ZMYND8: variants seen among roughly 807,000 people sequenced by gnomAD.
ZMYND8 encodes MYND-type zinc finger-containing chromatin reader ZMYND8.
ZMYND8 carries 37 observed loss-of-function variants against 140.8 expected under a neutral mutation model. The observed-to-expected ratio is 0.26, with a 90% CI of 0.20 to 0.35. ZMYND8 has a LOEUF of 0.35. Ranked by LOEUF, ZMYND8 falls within the 10% of genes least tolerant of loss-of-function variation. The pLI, the probability that ZMYND8 is intolerant of heterozygous loss-of-function variation, is 1.00. For synonymous variants in ZMYND8, 592 were observed against 597.1 expected (o/e 0.99, Z 0.12); for missense variants, 1,068 against 1,570.0 (o/e 0.68, Z 5.40).
chr20:47,221,235 G>C, intron 20 of ZMYND8, 79 bp downstream of exon 20: 1 of 1,557,060 alleles, frequency 6.4e-7, no homozygotes, highest in Non-Finnish European at 8.7e-7. Context: ...GGAACTTTCA[G>C]GGCGGCAGAC....
At chr20:47,217,252 C>A (rs544320579) in intron 21 of ZMYND8, among the ~76,000 whole-genome samples, 1 of 150,524 alleles carries the variant, frequency 6.6e-6, no homozygotes, top group East Asian at 1.9e-4. Context: ...AGCAGAGCCA[C>A]GCACAAGTGC....
chr20:47,301,643 G>A (rs1249604399), intron 3 of ZMYND8, among the ~76,000 whole-genome samples: 1 of 151,670 alleles, frequency 6.6e-6, no homozygotes, highest in Non-Finnish European at 1.5e-5. Flanking sequence ...ACTCCCTAAT[G>A]AGAAAATCAG....
At position 47,262,874 on chromosome 20, in the gene ZMYND8, G is replaced by A. The variant is rs922367382; in HGVS notation, c.1481-446C>T. 2.6e-5 allele frequency among the ~76,000 whole-genome samples: 4 copies of A among 152,176 alleles called. 1 individual carries two copies. The South Asian group carries it at 8.3e-4, about 32-fold the overall frequency. ...CAGCTCACACGCAGCCACTGCACCTGCCAGGGACCAACTTGGCCCCTTGGG... is the reference window on the plus strand; with the variant it reads ...CAGCTCACACGCAGCCACTGCACCTACCAGGGACCAACTTGGCCCCTTGGG... On this transcript the variant is annotated intron_variant, in intron 11 of 22. Transcript: ENST00000471951.
chr20:47,345,643 G>A (rs1270243354), intron 2 of ZMYND8, among the ~76,000 whole-genome samples: 6 of 151,984 alleles, frequency 3.9e-5, no homozygotes, highest in Admixed American at 3.9e-4. Context: ...AAGTAACTGG[G>A]ATTATAGGCA....
chr20:47,214,978 G>A (rs886420890), intron 21 of ZMYND8, among the ~76,000 whole-genome samples: 4 of 152,200 alleles, frequency 2.6e-5, no homozygotes, highest in Admixed American at 6.5e-5. Context: ...AGCTACTCAA[G>A]AGGCTGAAGT....
intron 9 of ZMYND8, among the ~76,000 whole-genome samples, chr20:47,282,695 G>A (rs2147872298): frequency 6.7e-6 from 1 of 149,832 alleles, no homozygotes; most frequent in South Asian, 2.1e-4. Flanking sequence ...CTGCACTCCA[G>A]CCAGGGCGAC....
intron 11 of ZMYND8, among the ~76,000 whole-genome samples, chr20:47,267,501 G>T (rs916224148): frequency 7.0e-6 from 1 of 143,096 alleles, no homozygotes; most frequent in East Asian, 2.3e-4. Flanking sequence ...CGGGGCGGGG[G>T]GGGGGCAATT....
At chr20:47,349,747 T>C in intron 1 of ZMYND8, 1 of 1,419,384 alleles carries the variant, frequency 7.0e-7, no homozygotes, top group South Asian at 1.3e-5. Context: ...ATTCTAAACT[T>C]CTTGAAACCG....
chr20:47,211,287 C>T (rs1159601467), intron 22 of ZMYND8, among the ~76,000 whole-genome samples: 2 of 152,182 alleles, frequency 1.3e-5, no homozygotes, highest in African/African-American at 4.8e-5. Flanking sequence ...GAGAAAGACA[C>T]TGAAATTTGG....
intron 10 of ZMYND8, 140 bp downstream of exon 10, chr20:47,281,962 T>G (rs2076632443): frequency 5.4e-6 from 4 of 740,668 alleles, no homozygotes; most frequent in Admixed American, 6.5e-5. Flanking sequence ...CACAGGAAAT[T>G]TATTTCAACA....
intron 3 of ZMYND8, among the ~76,000 whole-genome samples, 181 bp from the exon 4 acceptor site, chr20:47,299,128 AG>A (rs1246130334): frequency 6.6e-6 from 1 of 152,220 alleles, no homozygotes; most frequent in Non-Finnish European, 1.5e-5. Context: ...TAAAATTATG[AG>A]GATTTTTCTT....
intron 13 of ZMYND8, among the ~76,000 whole-genome samples, chr20:47,248,970 G>C (rs553019259): frequency 2.3e-5 from 2 of 88,460 alleles, no homozygotes; most frequent in Non-Finnish European, 4.5e-5. Flanking sequence ...ACACTGATGC[G>C]TACTGAGGAG....
intron 9 of ZMYND8, among the ~76,000 whole-genome samples, chr20:47,282,746 G>T (rs564973937): frequency 6.7e-6 from 1 of 149,060 alleles, no homozygotes; most frequent in Non-Finnish European, 1.5e-5. Context: ...ACAAAAAAAA[G>T]AAAGATGAGA....
Position 47,224,428 on chromosome 20 carries a change from C to A in ZMYND8, c.3145G>T (p.Ala1049Ser). Residue 1049 changes from alanine to serine, a missense_variant, in exon 19 of 23, where the codon GCC (alanine) becomes TCC (serine). This residue lies in a region of ZMYND8 where 87 missense variants were observed against 151.1 expected (regional missense o/e 0.58). Coordinates refer to ENST00000471951, the MANE Select transcript of ZMYND8 (RefSeq NM_001281775.3). ...AAGATGGCCTCCTTCTTGCAGTTGGCGCACCACTGCTTCTTCTTGGTCTCA... is the reference window on the plus strand; with the variant it reads ...AAGATGGCCTCCTTCTTGCAGTTGGAGCACCACTGCTTCTTCTTGGTCTCA... Reference protein sequence around the residue: ...VDETKKKQWCANCKKEAIFYC... With the variant: ...VDETKKKQWCSNCKKEAIFYC... 6.2e-7 allele frequency: 1 copy of A among 1,614,240 alleles called. No individual in the cohort carries two copies. The highest frequency in any genetic ancestry group is 8.5e-7 in the Non-Finnish European group (1 of 1,180,050).
chr20:47,309,256 A>G (rs2078730626), intron 3 of ZMYND8, among the ~76,000 whole-genome samples: 1 of 151,812 alleles, frequency 6.6e-6, no homozygotes, highest in Non-Finnish European at 1.5e-5. Flanking sequence ...ACTGTGACCA[A>G]TTACCTAAGC....
At chr20:47,296,699 TA>T (rs1418797772) in intron 4 of ZMYND8, among the ~76,000 whole-genome samples, 1 of 152,174 alleles carries the variant, frequency 6.6e-6, no homozygotes, top group African/African-American at 2.4e-5. Flanking sequence ...CTCACACCTA[TA>T]ATCCCAACAA....
chr20:47,230,134 T>C (rs2038259324), intron 16 of ZMYND8, among the ~76,000 whole-genome samples: 1 of 152,168 alleles, frequency 6.6e-6, no homozygotes, highest in South Asian at 2.1e-4. Flanking sequence ...CCAGCATTAA[T>C]GGGGTAAAAA....
chr20:47,306,153 T>TC (rs1189463880), intron 3 of ZMYND8, among the ~76,000 whole-genome samples: 4 of 152,232 alleles, frequency 2.6e-5, no homozygotes, highest in African/African-American at 9.6e-5. Context: ...TTTGGGAGGT[T>TC]GAAGCAGGAG....
Position 47,333,719 on chromosome 20 carries a change from C to T in ZMYND8, c.85+14137G>A, listed in dbSNP as rs530649110. On this transcript the variant is annotated intron_variant, in intron 2 of 22. Transcript: ENST00000471951. ...CTAGCCTGGTGACAGAGCGAGACTC[C>T]GTCTCAAAAAAAAAAAAAAAAAAAA... is the stretch of plus-strand genomic sequence containing the variant. Among the ~76,000 whole-genome samples, 386 of 113,708 alleles carry T rather than the reference C, an allele frequency of 3.4e-3. 9 individuals are homozygous for T. Among genetic ancestry groups the T allele is most frequent in the African/African-American group, 0.015 (355 of 23,438 alleles). 74.6% of individuals were successfully genotyped at this position (113,708 alleles called of 152,430 possible). A position where few individuals can be genotyped will look rare whatever the true frequency, so the allele number is the denominator to read the frequency against.
Sources: allele counts gnomAD v4.1 joint callset (sites outside exome capture counted in the v4.1 genomes callset), GRCh38; gene constraint gnomAD v4.1.1; regional missense constraint gnomAD v4.1.1; transcripts MANE v1.5; gene names NCBI Gene and HGNC (gene_info 2026-07-23, HGNC 2026-07-21).